The following ABCB4 variants were observed in gnomAD, a reference collection of about 807,000 sequenced individuals.
ABCB4 encodes the protein ATP binding cassette subfamily B member 4.
A neutral mutation model predicts 145.7 loss-of-function variants in ABCB4; 76 were observed. That is an observed-to-expected ratio of 0.52 (90% CI 0.43 to 0.63). The LOEUF (loss-of-function observed/expected upper bound fraction) is 0.63. Ranked by LOEUF, ABCB4 falls within the 30% of genes least tolerant of loss-of-function variation. The pLI is 0.00. For missense variants in ABCB4, 1,234 were observed against 1,553.1 expected (o/e 0.79, Z 3.45); for synonymous variants, 517 against 566.8 (o/e 0.91, Z 1.25).
chr7:87,397,037 C>T (rs1167952580), downstream of ABCB4, among the ~76,000 whole-genome samples: 1 of 152,140 alleles, frequency 6.6e-6, no homozygotes, highest in Admixed American at 6.5e-5. Context: ...TTTCATCACA[C>T]CATTGCCAAC....
intron 15 of ABCB4, among the ~76,000 whole-genome samples, chr7:87,428,602 A>G (rs180949315): frequency 2.5e-4 from 38 of 152,352 alleles, no homozygotes; most frequent in African/African-American, 7.2e-4. Flanking sequence ...AAATCTCTCC[A>G]ATACACGCAA....
chr7:87,395,561 G>T, the ABCB4 span, among the ~76,000 whole-genome samples: 2 of 152,208 alleles, frequency 1.3e-5, no homozygotes, highest in African/African-American at 4.8e-5. Context: ...GACTGCCTTT[G>T]TCTGTAAAGC....
At chr7:87,369,300 C>T in the ABCB4 span, 4 of 875,622 alleles carry the variant, frequency 4.6e-6, no homozygotes, top group Admixed American at 9.6e-5. Flanking sequence ...GCCTACTTTT[C>T]TTCTATTGGA....
At chr7:87,457,690 TG>T (rs1812189160) in intron 4 of ABCB4, among the ~76,000 whole-genome samples, 2 of 152,308 alleles carry the variant, frequency 1.3e-5, no homozygotes, top group African/African-American at 4.8e-5. Context: ...ATCAGTAAAT[TG>T]ATGCTTACCT....
intron 14 of ABCB4, among the ~76,000 whole-genome samples, chr7:87,434,636 T>C (rs1810488840): frequency 6.6e-6 from 1 of 152,168 alleles, no homozygotes; most frequent in East Asian, 1.9e-4. Flanking sequence ...TAGTCCCAGA[T>C]ACTCAGGAGG....
At chr7:87,442,247 T>C (rs1811039630) in intron 12 of ABCB4, among the ~76,000 whole-genome samples, 2 of 152,222 alleles carry the variant, frequency 1.3e-5, no homozygotes, top group South Asian at 4.1e-4. Context: ...TGTTCCCCCA[T>C]AGTAATATCA....
At chr7:87,465,049 A>G (rs1812764010) in intron 3 of ABCB4, among the ~76,000 whole-genome samples, 1 of 152,330 alleles carries the variant, frequency 6.6e-6, no homozygotes, top group African/African-American at 2.4e-5. Context: ...GGTGCAGCGC[A>G]CCGAGCATGA....
chr7:87,391,401 C>A, the ABCB4 span, among the ~76,000 whole-genome samples: 2 of 152,118 alleles, frequency 1.3e-5, no homozygotes, highest in Non-Finnish European at 2.9e-5. Flanking sequence ...TTTGAAACAG[C>A]CCACATTATC....
intron 8 of ABCB4, among the ~76,000 whole-genome samples, chr7:87,448,018 T>A (rs1471347713): frequency 6.6e-6 from 1 of 152,230 alleles, no homozygotes; most frequent in Non-Finnish European, 1.5e-5. Flanking sequence ...GCTCATTCTA[T>A]TACTATCATA....
chr7:87,443,325 C>G lies in ABCB4; in HGVS notation c.1350G>C (p.Glu450Asp). ...CTTGGTTCTTCCCACTTACTGTGCC[C>G]TCATCAGGGTCATAGAGCCTCTGTA... ...QLIQRLYDPD[E>D]GTINIDGQDI... The change falls in exon 12 of 28, where the codon GAG becomes GAC. Residue 450 changes from glutamate (E) to aspartate (D), a missense_variant. This residue lies in a region of ABCB4 where 467 missense variants were observed against 632.8 expected (regional missense o/e 0.74). Coordinates refer to ENST00000649586, the MANE Select transcript of ABCB4 (RefSeq NM_000443.4). 6.2e-7 allele frequency: 1 copy of G among 1,614,042 alleles called. No homozygotes were observed. The highest frequency in any genetic ancestry group is 8.5e-7 in the Non-Finnish European group (1 of 1,179,972).
At position 87,402,082 on chromosome 7, in the gene ABCB4, A is replaced by G. The variant is rs1203078776; in HGVS notation, c.*14T>C. 2 of 1,613,572 alleles carry G rather than the reference A, an allele frequency of 1.2e-6. No individual in the cohort carries two copies. The highest frequency in any genetic ancestry group is 1.7e-6 in the Non-Finnish European group (2 of 1,179,618). ...TAATTTGAATTTATTTTTAAAATAT[A>G]CTGTAGCAAAAGTTCATAAGTTCTG... On this transcript the variant is annotated 3_prime_UTR_variant, in exon 28 of 28. Transcript: ENST00000649586.
At chr7:87,392,857 T>C in the ABCB4 span, 2 of 1,609,188 alleles carry the variant, frequency 1.2e-6, no homozygotes, top group African/African-American at 2.7e-5. Flanking sequence ...GCTTCATCAA[T>C]TGGCTTCCTC....
At chr7:87,429,588 T>C (rs76495580) in intron 15 of ABCB4, among the ~76,000 whole-genome samples, 20 of 152,350 alleles carry the variant, frequency 1.3e-4, no homozygotes, top group African/African-American at 4.8e-4. Flanking sequence ...GTTATTTCAC[T>C]TGAGGATTCA....
At chr7:87,460,247 G>A (rs980350231) in intron 4 of ABCB4, among the ~76,000 whole-genome samples, 8 of 152,084 alleles carry the variant, frequency 5.3e-5, no homozygotes, top group Admixed American at 1.3e-4. Flanking sequence ...GTCCAGATGT[G>A]GCCTGGGAGT....
intron 7 of ABCB4, 142 bp downstream of exon 7, chr7:87,451,481 T>C (rs1328899072): frequency 1.2e-6 from 1 of 857,458 alleles, no homozygotes; most frequent in African/African-American, 1.7e-5. Context: ...TATGAAAGCA[T>C]CATATTAACA....
intron 4 of ABCB4, among the ~76,000 whole-genome samples, chr7:87,461,325 C>T (rs949290732): frequency 6.6e-6 from 1 of 152,208 alleles, no homozygotes; most frequent in African/African-American, 2.4e-5. Context: ...TCACTAGTCA[C>T]AAATAAGCAA....
chr7:87,406,994 T>A (rs1196481767), intron 25 of ABCB4, among the ~76,000 whole-genome samples: 1 of 152,092 alleles, frequency 6.6e-6, no homozygotes, highest in Non-Finnish European at 1.5e-5. Flanking sequence ...TTCCCTCACC[T>A]CTCTGATAGC....
At position 87,406,025 on chromosome 7, in the gene ABCB4, G is replaced by A. The variant is rs1055574412; in HGVS notation, c.3486+263C>T. 4 of 544,436 alleles carry A rather than the reference G, an allele frequency of 7.3e-6. No individual in the cohort carries two copies. In the Admixed American group the frequency reaches 9.3e-5, roughly 13 times the overall value. 33.7% of individuals were successfully genotyped at this position (544,436 alleles called of 1,614,324 possible). A position where few individuals can be genotyped will look rare whatever the true frequency, so the allele number is the denominator to read the frequency against. On this transcript the variant is annotated intron_variant, in intron 26 of 27. Coordinates refer to ENST00000649586, the MANE Select transcript of ABCB4 (RefSeq NM_000443.4). ...AGTACCATAGGGCTAAACCAAACATGACTGCAGTCTAAATGCAGCCCTCAA... is the reference window on the plus strand; with the variant it reads ...AGTACCATAGGGCTAAACCAAACATAACTGCAGTCTAAATGCAGCCCTCAA...
intron 2 of ABCB4, among the ~76,000 whole-genome samples, chr7:87,473,726 AGTGTGT>A (rs4015825): frequency 9.3e-5 from 14 of 150,008 alleles, no homozygotes; most frequent in African/African-American, 1.7e-4. Flanking sequence ...TCTATGAGGG[AGTGTGT>A]GTGTGTGTGT....
Sources: gnomAD v4.1 joint callset for allele counts (sites outside exome capture counted in the v4.1 genomes callset) on GRCh38, gnomAD v4.1.1 for gene constraint, gnomAD v4.1.1 regional missense constraint, MANE v1.5 for transcripts, NCBI Gene and HGNC (gene_info 2026-07-23, HGNC 2026-07-21) for gene names.